The following MYO7A variants were observed in gnomAD, a reference collection of about 807,000 sequenced individuals.
MYO7A encodes the protein myosin VIIA, also known as unconventional myosin-VIIa.
Under a neutral mutation model 263.8 loss-of-function variants are expected in MYO7A, and 210 were observed. That is an observed-to-expected ratio of 0.80 (90% CI 0.71 to 0.89). The LOEUF (loss-of-function observed/expected upper bound fraction) is 0.89, where lower values mean the gene tolerates loss of function less well. Among genes scored for constraint, MYO7A ranks in the 40% least tolerant of loss-of-function variants. The probability of loss-of-function intolerance (pLI) is 0.00; values close to 1 mark genes in which losing one functional copy is unlikely to be tolerated. For missense variants in MYO7A, 2,820 were observed against 2,968.3 expected (o/e 0.95, Z 1.16); for synonymous variants, 1,239 against 1,197.3 (o/e 1.03, Z -0.72).
At position 77,171,915 on chromosome 11, in the gene MYO7A, C is replaced by T. The variant is rs149363964; in HGVS notation, c.1798-833C>T. ...GTAGGGCAGGGAGGCGCAGGGGGCT[C>T]GCTGGCTGCCAGGATCGCCCAGGTG... On this transcript the variant is annotated intron_variant, in intron 15 of 48. Coordinates refer to ENST00000409709, the MANE Select transcript of MYO7A (RefSeq NM_000260.4). Among the ~76,000 whole-genome samples the T allele has an allele frequency of 4.4e-4, 67 of 152,322 alleles. 1 individual carries two copies. The East Asian group carries it at 0.012, about 26-fold the overall frequency.
At chr11:77,202,982 G>GGGGGTC in intron 37 of MYO7A, 78 bp from the exon 38 acceptor site, 1 of 1,497,010 alleles carries the variant, frequency 6.7e-7, no homozygotes, top group Non-Finnish European at 9.0e-7. Flanking sequence ...GGGTGGGGGT[G>GGGGGTC]GGGGTCTCAC....
rs1555066936 is a variant in MYO7A, at chr11:77,159,530, G to A, written c.1080+7G>A. ...AGCTGCATCCCTGCTTGAGGTCAGT[G>A]CCTGGCCTCTCTCCCCTCCATGACT... On this transcript the variant is annotated splice_region_variant and intron_variant, in intron 10 of 48. Transcript: ENST00000409709. 1.9e-6 allele frequency: 3 copies of A among 1,612,054 alleles called. No homozygotes were observed. The highest frequency in any genetic ancestry group is 1.3e-5 in the African/African-American group (1 of 75,020).
At chr11:77,141,944 T>A (rs1317836015) in intron 2 of MYO7A, among the ~76,000 whole-genome samples, 1 of 152,250 alleles carries the variant, frequency 6.6e-6, no homozygotes, top group African/African-American at 2.4e-5. Flanking sequence ...GACTCCATAA[T>A]CACTGCTCAA....
At position 77,214,790 on chromosome 11, in the gene MYO7A, C is replaced by A; in HGVS notation, c.*94C>A. ...CCCCTGCAGCTGGGGAAGACTTATG[C>A]CATCCCGGCAGCGAGGCTGGGCTGG... On this transcript the variant is annotated 3_prime_UTR_variant, in exon 49 of 49. Transcript: ENST00000409709. The A allele has an allele frequency of 9.2e-7, 1 of 1,082,034 alleles. No individual in the cohort carries two copies. The highest frequency in any genetic ancestry group is 1.3e-6 in the Non-Finnish European group (1 of 741,874). The allele number at this position is 1,082,034 out of a possible 1,614,324, so 67.0% of individuals were successfully genotyped here.
intron 38 of MYO7A, 120 bp from the exon 39 acceptor site, chr11:77,203,956 G>A: frequency 4.4e-6 from 5 of 1,140,674 alleles, no homozygotes; most frequent in Non-Finnish European, 6.1e-6. Flanking sequence ...TTGTGAGTGT[G>A]CAGCCTGAGG....
At chr11:77,160,904 G>A (rs1194281917) in intron 11 of MYO7A, 69 bp from the exon 12 acceptor site, 3 of 1,543,996 alleles carry the variant, frequency 1.9e-6, no homozygotes, top group Non-Finnish European at 2.6e-6. Flanking sequence ...ACCACGAAGG[G>A]TCCAGGAGCC....
chr11:77,137,357 G>A (rs35929408), intron 2 of MYO7A, among the ~76,000 whole-genome samples: 14,386 of 146,158 alleles, frequency 0.098, 806 homozygotes, highest in Middle Eastern at 0.25. Context: ...CCAGTCCCCC[G>A]CCCCCACTCT....
intron 29 of MYO7A, 121 bp downstream of exon 29, chr11:77,190,260 T>G: frequency 3.8e-6 from 4 of 1,040,322 alleles, no homozygotes; most frequent in Non-Finnish European, 5.3e-6. Flanking sequence ...GATTCTGTGG[T>G]TCCTCAGACA....
At chr11:77,182,989 C>T in intron 25 of MYO7A, 79 bp from the exon 26 acceptor site, 1 of 1,231,816 alleles carries the variant, frequency 8.1e-7, no homozygotes, top group Non-Finnish European at 1.2e-6. Context: ...GAGACGGTTC[C>T]CCGCAAAGTC....
chr11:77,194,476 G>A lies in MYO7A; in HGVS notation c.4275G>A (p.Leu1425=), dbSNP rs536970281. 1.2e-6 allele frequency: 2 copies of A among 1,608,748 alleles called. No homozygotes were observed. The highest frequency in any genetic ancestry group is 1.3e-5 in the African/African-American group (1 of 74,924). ...TCCCCGACCGCGAGATCACGCCCCT[G>A]AAGACGCTGGAGAAGTGGGCCCAGC... The part of the protein sequence containing the change: ...TYIPDREITP[L]KTLEKWAQLA... Residue 1425 remains leucine, a synonymous_variant, in exon 32 of 49, where the codon CTG becomes CTA. Coordinates refer to ENST00000409709, the MANE Select transcript of MYO7A (RefSeq NM_000260.4).
intron 31 of MYO7A, among the ~76,000 whole-genome samples, chr11:77,192,907 ATGGTGGAGGGTAG>A (rs1255206753): frequency 3.1e-3 from 5 of 1,602 alleles, no homozygotes; most frequent in Non-Finnish European, 7.0e-3. Context: ...GGTGTTGGTG[ATGGTGGAGGGTAG>A]TGATGGTGTT....
rs1952788971 is a variant in MYO7A at position 77,159,466 on chromosome 11, G to C, written c.1023G>C (p.Leu341=). Residue 341 remains leucine, a synonymous_variant, in exon 10 of 49, where the codon CTG becomes CTC. Coordinates refer to ENST00000409709, the MANE Select transcript of MYO7A (RefSeq NM_000260.4). ...LQYEARTFEN[L]DACEVLFSPS... is the part of the protein sequence containing the mutation. ...CAACAGCACGCACATTTGAAAACCT[G>C]GATGCCTGTGAGGTTCTCTTCTCCC... The C allele has an allele frequency of 6.7e-7, 1 of 1,482,486 alleles. No individual in the cohort carries two copies. The highest frequency in any genetic ancestry group is 2.6e-5 in the East Asian group (1 of 38,954). 91.8% of individuals were successfully genotyped at this position (1,482,486 alleles called of 1,614,324 possible).
At position 77,180,438 on chromosome 11, in the gene MYO7A, T is replaced by A; in HGVS notation, c.2651T>A (p.Met884Lys). The A allele has an allele frequency of 1.9e-6, 3 of 1,612,364 alleles. No individual in the cohort carries two copies. Among genetic ancestry groups the A allele is most frequent in the Middle Eastern group, 1.7e-4 (1 of 6,060 alleles). The change falls in exon 22 of 49, where the codon ATG becomes AAG. Residue 884 changes from methionine (M) to lysine (K), a missense_variant. Physicochemically the swap from Met to Lys is moderately conservative, Grantham distance 95. Coordinates refer to ENST00000409709, the MANE Select transcript of MYO7A (RefSeq NM_000260.4). ...LAEEEKLRKE[M>K]SAKKAKEEAE... ...GAGGAAGAGAAGCTTCGGAAGGAGA[T>A]GAGCGCCAAGAAGGCCAAGGAGGAG...
At chr11:77,193,078 A>AGCGATGGT (rs1469625252) in intron 31 of MYO7A, among the ~76,000 whole-genome samples, 4 of 27,050 alleles carry the variant, frequency 1.5e-4, no homozygotes, top group Middle Eastern at 0.033. Flanking sequence ...TGGTGGAGGT[A>AGCGATGGT]GTTGTTTGTG....
Position 77,191,932 on chromosome 11 carries a change from C to T in MYO7A, c.3925-119C>T, listed in dbSNP as rs114069537. 2,708 of 840,546 alleles carry T rather than the reference C, an allele frequency of 3.2e-3. 59 individuals are homozygous for T. In the African/African-American group the frequency reaches 0.042, roughly 13 times the overall value. The allele number at this position is 840,546 out of a possible 1,614,324, so 52.1% of individuals were successfully genotyped here. A position where few individuals can be genotyped will look rare whatever the true frequency, so the allele number is the denominator to read the frequency against. On this transcript the variant is annotated intron_variant, in intron 30 of 48. Coordinates refer to ENST00000409709, the MANE Select transcript of MYO7A (RefSeq NM_000260.4). ...TGGTCTGCCTCCTGGGGGCCTTGGA[C>T]GTGTCCCTGCCCCTCGCTGGGCCTC...
At chr11:77,163,372 G>A (rs952699487) in intron 14 of MYO7A, among the ~76,000 whole-genome samples, 2 of 151,996 alleles carry the variant, frequency 1.3e-5, no homozygotes, top group African/African-American at 2.4e-5. Flanking sequence ...ATCGTTTAAC[G>A]TCATTTCTGA....
chr11:77,160,770 G>A (rs537260834), intron 11 of MYO7A, among the ~76,000 whole-genome samples: 1 of 152,120 alleles, frequency 6.6e-6, no homozygotes, highest in Non-Finnish European at 1.5e-5. Context: ...TATCTCAACA[G>A]AGCCTTGAAA....
At chr11:77,208,357 C>G in intron 42 of MYO7A, 73 bp from the exon 43 acceptor site, 2 of 1,178,476 alleles carry the variant, frequency 1.7e-6, no homozygotes, top group South Asian at 2.6e-5. Context: ...AGCTGCCAGA[C>G]AGGCCTTAGG....
intron 44 of MYO7A, among the ~76,000 whole-genome samples, chr11:77,209,623 G>A (rs1392332973): frequency 6.3e-5 from 9 of 142,318 alleles, no homozygotes; most frequent in African/African-American, 1.3e-4. Context: ...CCTGTCCCAC[G>A]TCCCAAATCA....
Sources: gnomAD v4.1 joint callset for allele counts (sites outside exome capture counted in the v4.1 genomes callset) on GRCh38, gnomAD v4.1.1 for gene constraint, MANE v1.5 for transcripts, NCBI Gene and HGNC (gene_info 2026-07-23, HGNC 2026-07-21) for gene names.